SAMD3: variants seen among roughly 807,000 people sequenced by gnomAD.
SAMD3 encodes sterile alpha motif domain containing 3.
Under a neutral mutation model 58.5 loss-of-function variants are expected in SAMD3, and 63 were observed. That is an observed-to-expected ratio of 1.08 (90% confidence interval 0.88 to 1.33). The LOEUF is 1.33. Among genes scored for constraint, SAMD3 ranks in the 40% most tolerant of loss-of-function variants. The pLI, the probability that SAMD3 is intolerant of heterozygous loss-of-function variation, is 0.00. For synonymous variants in SAMD3, 220 were observed against 210.3 expected (o/e 1.05, Z -0.40); for missense variants, 604 against 608.4 (o/e 0.99, Z 0.08).
At chr6:130,215,590 A>G (rs1795957848) in intron 2 of SAMD3, 1 of 1,358,164 alleles carries the variant, frequency 7.4e-7, no homozygotes, top group East Asian at 2.7e-5. Context: ...ACAGCCAGGG[A>G]CATACAATGG....
chr6:130,285,433 A>T (rs1427107506), intron 2 of SAMD3, among the ~76,000 whole-genome samples: 3 of 152,314 alleles, frequency 2.0e-5, no homozygotes, highest in East Asian at 3.9e-4. Flanking sequence ...GAGGGAAGTA[A>T]GGAGAGCTCT....
chr6:130,210,653 C>G (rs2114829599), intron 4 of SAMD3, among the ~76,000 whole-genome samples: 1 of 151,304 alleles, frequency 6.6e-6, no homozygotes, highest in South Asian at 2.1e-4. Flanking sequence ...AGGCCCCCAA[C>G]CATTTGAATG....
intron 2 of SAMD3, among the ~76,000 whole-genome samples, chr6:130,258,031 G>T (rs1773981861): frequency 6.6e-6 from 1 of 152,026 alleles, no homozygotes; most frequent in Admixed American, 6.6e-5. Context: ...TCATATTGGA[G>T]TAGTTTTTTC....
intron 1 of SAMD3, among the ~76,000 whole-genome samples, chr6:130,350,826 T>C (rs998126944): frequency 2.0e-5 from 3 of 152,158 alleles, no homozygotes; most frequent in African/African-American, 2.4e-5. Context: ...CTTCAAACTA[T>C]ACTACAAGGC....
At chr6:130,235,068 T>C (rs1773099793) in intron 2 of SAMD3, among the ~76,000 whole-genome samples, 1 of 152,128 alleles carries the variant, frequency 6.6e-6, no homozygotes, top group African/African-American at 2.4e-5. Flanking sequence ...TGAGTGGTGA[T>C]TGTGACACTG....
In SAMD3 at chr6:130,214,453, C is replaced by A. The variant is rs1331642201; in HGVS notation, c.153G>T (p.Gly51=). ...TTAAATCCATCAGAACAGCCTGGTG[C>A]CCAATTTTCTTTACCAGTTGCTGAA... ...RMVQQLVKKI[G]HQAVLMDLIK... is the part of the protein sequence containing the mutation. The change falls in exon 4 of 12, where the codon GGG becomes GGT. Residue 51 remains glycine, a synonymous_variant. Coordinates refer to ENST00000439090, the MANE Select transcript of SAMD3 (RefSeq NM_001017373.4). 1 of 1,612,940 alleles carries A rather than the reference C, an allele frequency of 6.2e-7. No individual in the cohort carries two copies. The highest frequency in any genetic ancestry group is 1.3e-5 in the African/African-American group (1 of 74,830).
intron 2 of SAMD3, among the ~76,000 whole-genome samples, chr6:130,254,432 G>C (rs1773857258): frequency 6.6e-6 from 1 of 152,004 alleles, no homozygotes; most frequent in African/African-American, 2.4e-5. Flanking sequence ...CCGACCTCAG[G>C]TTATCCACCC....
intron 2 of SAMD3, among the ~76,000 whole-genome samples, chr6:130,237,589 T>G (rs932322961): frequency 3.9e-5 from 6 of 152,174 alleles, no homozygotes; most frequent in African/African-American, 1.4e-4. Context: ...TGGTTGTCGT[T>G]ATTGATTGCT....
At chr6:130,181,067 C>T (rs1486352205) in intron 7 of SAMD3, among the ~76,000 whole-genome samples, 1 of 151,498 alleles carries the variant, frequency 6.6e-6, no homozygotes, top group Non-Finnish European at 1.5e-5. Context: ...CTGCCTCAGC[C>T]TCCTGAGTAG....
chr6:130,214,185 G>A, intron 4 of SAMD3, 152 bp downstream of exon 4: 2 of 553,810 alleles, frequency 3.6e-6, no homozygotes, highest in South Asian at 6.2e-5. Context: ...AAATTTTACA[G>A]TGTCCTTTGC....
In SAMD3 at chr6:130,350,173, G is replaced by T. The variant is rs540305434; in HGVS notation, c.-304+14947C>A. ...TTGAAAACTGGCACAAGACAGGGAT[G>T]CCCTCTCTCACCACTCCTATTCAAC... On this transcript the variant is annotated intron_variant, in intron 1 of 13. Coordinates refer to the SAMD3 transcript ENST00000368134. Among the ~76,000 whole-genome samples, 94 of 152,284 alleles carry T rather than the reference G, an allele frequency of 6.2e-4. 1 individual carries two copies. In the East Asian group the frequency reaches 0.018, roughly 29 times the overall value.
intron 2 of SAMD3, among the ~76,000 whole-genome samples, chr6:130,249,200 G>C (rs1773657113): frequency 6.6e-6 from 1 of 152,138 alleles, no homozygotes; most frequent in Non-Finnish European, 1.5e-5. Context: ...GCATGAACTG[G>C]ACACAATGTC....
At chr6:130,221,314 A>C (rs942095555) in intron 1 of SAMD3, among the ~76,000 whole-genome samples, 4 of 152,224 alleles carry the variant, frequency 2.6e-5, no homozygotes, top group Non-Finnish European at 5.9e-5. Context: ...TTACATAATA[A>C]AAATAAAATA....
chr6:130,340,288 A>C (rs781552735), intron 1 of SAMD3, among the ~76,000 whole-genome samples: 2 of 152,144 alleles, frequency 1.3e-5, no homozygotes, highest in Non-Finnish European at 2.9e-5. Context: ...TCTAGGGGAG[A>C]ATCTGTTTCC....
intron 5 of SAMD3, among the ~76,000 whole-genome samples, chr6:130,197,221 C>T (rs1794210483): frequency 1.3e-5 from 2 of 152,200 alleles, no homozygotes; most frequent in African/African-American, 4.8e-5. Flanking sequence ...TCATTCCAGA[C>T]ACCAGACCAA....
At position 130,228,314 on chromosome 6, in the gene SAMD3, C is replaced by A. The variant is rs550356544; in HGVS notation, c.-187-5501G>T. Among the ~76,000 whole-genome samples, 92 of 152,318 alleles carry A rather than the reference C, an allele frequency of 6.0e-4. 1 individual carries two copies. Among genetic ancestry groups the A allele is most frequent in the African/African-American group, 2.0e-3 (84 of 41,578 alleles). On this transcript the variant is annotated intron_variant, in intron 2 of 13. Coordinates refer to the SAMD3 transcript ENST00000368134. Reference sequence around the variant, plus strand: ...CTTCCAGGTGTCCAGAGGCTTCAAGCAGCCTCACTTGTTTAACCCGTTGTG... The same window carrying A: ...CTTCCAGGTGTCCAGAGGCTTCAAGAAGCCTCACTTGTTTAACCCGTTGTG...
chr6:130,215,537 C>G, intron 2 of SAMD3: 1 of 1,333,564 alleles, frequency 7.5e-7, no homozygotes, highest in African/African-American at 1.5e-5. Context: ...TCTTCACCTT[C>G]TCCTACTTTT....
rs144576796 is a variant in SAMD3, at chr6:130,330,957, A to C, written c.-303-17864T>G. 5.6e-4 allele frequency among the ~76,000 whole-genome samples: 85 copies of C among 152,356 alleles called. 1 individual carries two copies. In the East Asian group the frequency reaches 8.5e-3, roughly 15 times the overall value. Reference sequence around the variant, plus strand: ...ATACTAAAAAGTGAACAGAATACGGATGAGTTTAGCTATCTGCAGAAGTCA... The same window carrying C: ...ATACTAAAAAGTGAACAGAATACGGCTGAGTTTAGCTATCTGCAGAAGTCA... On this transcript the variant is annotated intron_variant, in intron 1 of 13. Coordinates refer to the SAMD3 transcript ENST00000368134.
intron 2 of SAMD3, among the ~76,000 whole-genome samples, chr6:130,289,344 T>C (rs192454297): frequency 3.4e-4 from 52 of 152,364 alleles, no homozygotes; most frequent in Non-Finnish European, 5.9e-4. Context: ...TCCACATCTT[T>C]GCCTATTTGC....
Sources: gnomAD v4.1 joint callset for allele counts (sites outside exome capture counted in the v4.1 genomes callset) on GRCh38, gnomAD v4.1.1 for gene constraint, MANE v1.5 for transcripts, NCBI Gene and HGNC (gene_info 2026-07-23, HGNC 2026-07-21) for gene names.